PKD1: variants seen among roughly 807,000 people sequenced by gnomAD.
The protein encoded by PKD1 is polycystin 1, transient receptor potential channel interacting.
PKD1 carries 81 observed loss-of-function variants against 361.7 expected under a neutral mutation model. The observed-to-expected ratio is 0.22, with a 90% confidence interval of 0.19 to 0.27. PKD1 has a LOEUF of 0.27. Ranked by LOEUF, PKD1 falls within the 10% of genes least tolerant of loss-of-function variation. PKD1 has a pLI of 1.00. For synonymous variants in PKD1, 3,615 were observed against 2,818.3 expected, an observed-to-expected ratio of 1.28 and a Z score of -8.95; for missense variants, 6,399 against 6,118.3, an observed-to-expected ratio of 1.05 and a Z score of -1.53.
intron 30 of PKD1, chr16:2,099,311 T>TA: frequency 2.6e-6 from 1 of 381,958 alleles, no homozygotes; most frequent in Non-Finnish European, 5.0e-6. Context: ...TCACTTCCTA[T>TA]AGATGTACTG....
chr16:2,098,316 G>A (rs937566742), intron 30 of PKD1: 21 of 398,896 alleles, frequency 5.3e-5, no homozygotes, highest in Non-Finnish European at 9.9e-5. Flanking sequence ...TCAGGCGATT[G>A]TCCTGGCTCA....
In PKD1 at chr16:2,103,350, C is replaced by T; in HGVS notation, c.8707G>A (p.Ala2903Thr). 1.9e-6 allele frequency: 3 copies of T among 1,605,216 alleles called. No homozygotes were observed. The highest frequency in any genetic ancestry group is 1.7e-6 in the Non-Finnish European group (2 of 1,179,620). ...AGGGTGACCACAGCACCGACGGAGG[C>T]CTGGGGCTGGACCACAACGGAGTTG... ...SANSVVVQPQ[A>T]SVGAVVTLDS... The change falls in exon 23 of 46, where the codon GCC (alanine) becomes ACC (threonine). Residue 2903 changes from alanine to threonine, a missense_variant. Transcript: ENST00000262304.
At chr16:2,120,387 T>G (rs139695108) in intron 1 of PKD1, 1 of 153,224 alleles carries the variant, frequency 6.5e-6, no homozygotes, top group Non-Finnish European at 1.5e-5. Flanking sequence ...AATACCCTCC[T>G]GACACACAGC....
chr16:2,112,649 T>C, intron 13 of PKD1, 139 bp downstream of exon 13: 3 of 1,104,800 alleles, frequency 2.7e-6, no homozygotes, highest in Non-Finnish European at 4.0e-6. Context: ...TCAGGGCTCC[T>C]GTGCACCCAG....
In PKD1 at chr16:2,088,750, C is replaced by T. The variant is rs894010540; in HGVS notation, c.*977G>A. ...TTTTATTGACTTTGTCTGCTTGGTGCGGGGGTTGGGGGGGTGTCGAGGCTC... is the reference window on the plus strand; with the variant it reads ...TTTTATTGACTTTGTCTGCTTGGTGTGGGGGTTGGGGGGGTGTCGAGGCTC... On this transcript the variant is annotated 3_prime_UTR_variant, in exon 46 of 46. Coordinates refer to ENST00000262304, the MANE Select transcript of PKD1 (RefSeq NM_001009944.3). 6.1e-5 allele frequency: 74 copies of T among 1,219,088 alleles called. No homozygotes were observed. Among genetic ancestry groups the T allele is most frequent in the Middle Eastern group, 2.5e-4 (1 of 3,992 alleles). The allele number at this position is 1,219,088 out of a possible 1,614,324, so 75.5% of individuals were successfully genotyped here.
At chr16:2,133,030 C>T (rs983291775) in intron 1 of PKD1, 16 of 145,718 alleles carry the variant, frequency 1.1e-4, no homozygotes, top group African/African-American at 3.3e-4. Context: ...TGCCATGAGC[C>T]GAGATCGTGC....
chr16:2,101,009 G>A (rs2092074437), intron 26 of PKD1, among the ~76,000 whole-genome samples: 2 of 151,000 alleles, frequency 1.3e-5, no homozygotes, highest in South Asian at 2.1e-4. Flanking sequence ...TTTTTGAGAT[G>A]GAGTCTTGCT....
At chr16:2,124,613 T>C (rs553001247) in intron 1 of PKD1, among the ~76,000 whole-genome samples, 6 of 152,128 alleles carry the variant, frequency 3.9e-5, no homozygotes, top group Non-Finnish European at 8.8e-5. Context: ...TGCCTCAGAG[T>C]CTCACACTCA....
At chr16:2,124,667 G>A (rs2092771145) in intron 1 of PKD1, among the ~76,000 whole-genome samples, 1 of 152,230 alleles carries the variant, frequency 6.6e-6, no homozygotes, top group African/African-American at 2.4e-5. Flanking sequence ...CAGATGCTGA[G>A]TGGGGTCTGG....
Position 2,093,838 on chromosome 16 carries a change from G to A in PKD1, c.10794C>T (p.Ala3598=). ...WLLSSSASFL[A]SFLGWEPLKV... Reference sequence around the variant, plus strand: ...TCAGTGGCTCCCAGCCGAGGAATGAGGCCAGGAAGCTGGCGCTGCTGGACA... The same window carrying A: ...TCAGTGGCTCCCAGCCGAGGAATGAAGCCAGGAAGCTGGCGCTGCTGGACA... Residue 3598 remains alanine (A), a synonymous_variant, in exon 36 of 46, where the codon GCC becomes GCT. Coordinates refer to ENST00000262304, the MANE Select transcript of PKD1 (RefSeq NM_001009944.3). The A allele has an allele frequency of 6.4e-7, 1 of 1,562,692 alleles. No individual in the cohort carries two copies. The highest frequency in any genetic ancestry group is 1.2e-5 in the South Asian group (1 of 86,410).
In PKD1 at chr16:2,097,894, G is replaced by A. The variant is rs142799331; in HGVS notation, c.10141C>T (p.Leu3381Phe). ...TCAGCGTGGAGGCCTGAGAACGTGA[G>A]GAAGGAGCTGTCCAGCACGGACGAG... ...LDSSVLDSSF[L>F]TFSGLHAEQA... The change falls in exon 31 of 46, where the codon CTC becomes TTC. Residue 3381 changes from leucine to phenylalanine, a missense_variant. Coordinates refer to ENST00000262304, the MANE Select transcript of PKD1 (RefSeq NM_001009944.3). The A allele has an allele frequency of 1.9e-4, 310 of 1,604,650 alleles. No homozygotes were observed. Among genetic ancestry groups the A allele is most frequent in the Non-Finnish European group, 2.6e-4 (300 of 1,174,140 alleles).
At position 2,108,545 on chromosome 16, in the gene PKD1, C is replaced by A; in HGVS notation, c.6622G>T (p.Gly2208Cys). 1 of 1,605,378 alleles carries A rather than the reference C, an allele frequency of 6.2e-7. No homozygotes were observed. The highest frequency in any genetic ancestry group is 1.3e-5 in the African/African-American group (1 of 74,826). The change falls in exon 15 of 46, where the codon GGC (glycine) becomes TGC (cysteine). Residue 2208 changes from glycine to cysteine, a missense_variant. Physicochemically the swap from Gly to Cys is radical, Grantham distance 159 (BLOSUM62 -3). Transcript: ENST00000262304. The part of the protein sequence containing the change: ...PGRPARVALP[G>C]VDVSRPRLVL... ...AGCCGAGGCCGGCTCACGTCCACGCCGGGCAGGGCCACACGCGCTGGGCGC... is the reference window on the plus strand; with the variant it reads ...AGCCGAGGCCGGCTCACGTCCACGCAGGGCAGGGCCACACGCGCTGGGCGC...
At position 2,094,072 on chromosome 16, in the gene PKD1, C is replaced by G. The variant is rs1294243657; in HGVS notation, c.10618+20G>C. On this transcript the variant is annotated intron_variant, in intron 35 of 45. Coordinates refer to ENST00000262304, the MANE Select transcript of PKD1 (RefSeq NM_001009944.3). Reference sequence around the variant, plus strand: ...CTCACAGGGAGGGGCTAGGGGCATCCCGGGGCTACGCAAGCACACCTGTCC... The same window carrying G: ...CTCACAGGGAGGGGCTAGGGGCATCGCGGGGCTACGCAAGCACACCTGTCC... 2.5e-6 allele frequency: 4 copies of G among 1,587,692 alleles called. No individual in the cohort carries two copies. Among genetic ancestry groups the G allele is most frequent in the Non-Finnish European group, 3.4e-6 (4 of 1,165,012 alleles).
intron 1 of PKD1, chr16:2,120,033 G>C (rs1423878869): frequency 3.4e-6 from 2 of 591,988 alleles, no homozygotes; most frequent in Non-Finnish European, 6.0e-6. Context: ...GCAACACAGT[G>C]AGACCCCGTA....
chr16:2,130,741 C>A (rs2092864238), intron 1 of PKD1, among the ~76,000 whole-genome samples: 1 of 152,146 alleles, frequency 6.6e-6, no homozygotes, highest in Admixed American at 6.5e-5. Flanking sequence ...GCAGGGGCCC[C>A]GGGGTCTGCG....
chr16:2,108,417 C>T lies in PKD1; in HGVS notation c.6750G>A (p.Thr2250=), dbSNP rs757755300. Residue 2250 remains threonine (T), a synonymous_variant, in exon 15 of 46, where the codon ACG becomes ACA. Transcript: ENST00000262304. ...PLTQSIQANV[T]VAPERLVPII... Reference sequence around the variant, plus strand: ...TGGGCACCAGGCGCTCGGGGGCCACCGTCACATTGGCCTGGATGCTCTGTG... The same window carrying T: ...TGGGCACCAGGCGCTCGGGGGCCACTGTCACATTGGCCTGGATGCTCTGTG... 21 of 1,610,390 alleles carry T rather than the reference C, an allele frequency of 1.3e-5. No individual in the cohort carries two copies. Among genetic ancestry groups the T allele is most frequent in the South Asian group, 5.5e-5 (5 of 91,002 alleles).
In PKD1 at chr16:2,111,529, C is replaced by T. The variant is rs756174712; in HGVS notation, c.3638G>A (p.Arg1213His). 1.7e-5 allele frequency: 27 copies of T among 1,605,854 alleles called. No individual in the cohort carries two copies. The highest frequency in any genetic ancestry group is 4.0e-5 in the African/African-American group (3 of 74,938). The change falls in exon 15 of 46, where the codon CGC (arginine) becomes CAC (histidine). Residue 1213 changes from arginine to histidine, a missense_variant. Physicochemically the swap from Arg to His is conservative, Grantham distance 29. Transcript: ENST00000262304. ...QADVRVFEEL[R>H]GLSVDMSLAV... ...CAGGCTCATGTCCACGCTGAGTCCGCGGAGCTCCTCAAAGACGCGCACATC... is the reference window on the plus strand; with the variant it reads ...CAGGCTCATGTCCACGCTGAGTCCGTGGAGCTCCTCAAAGACGCGCACATC...
intron 1 of PKD1, among the ~76,000 whole-genome samples, chr16:2,120,815 G>A (rs1264349604): frequency 1.3e-5 from 2 of 152,156 alleles, no homozygotes; most frequent in Non-Finnish European, 2.9e-5. Flanking sequence ...TCAAGAGATC[G>A]AGACCATCCT....
At chr16:2,101,781 T>C (rs1288514377) in intron 26 of PKD1, among the ~76,000 whole-genome samples, 4 of 152,196 alleles carry the variant, frequency 2.6e-5, no homozygotes, top group South Asian at 2.1e-4. Flanking sequence ...TCTCCCACAG[T>C]GGTAGCGATG....
Sources: gnomAD v4.1 joint callset for allele counts (sites outside exome capture counted in the v4.1 genomes callset) on GRCh38, gnomAD v4.1.1 for gene constraint, MANE v1.5 for transcripts, NCBI Gene and HGNC (gene_info 2026-07-23, HGNC 2026-07-21) for gene names.